The following NR5A2 variants were observed in gnomAD, a reference collection of about 807,000 sequenced individuals.
NR5A2 encodes CYP7A promoter-binding factor.
In NR5A2, 26 loss-of-function variants were observed where a neutral mutation model predicts 62.7. The observed-to-expected ratio is 0.41, with a 90% CI of 0.30 to 0.58. The LOEUF (loss-of-function observed/expected upper bound fraction) is 0.58. Among genes scored for constraint, NR5A2 ranks in the 20% least tolerant of loss-of-function variants. The pLI, the probability that NR5A2 is intolerant of heterozygous loss-of-function variation, is 0.22. For synonymous variants in NR5A2, 246 were observed against 241.7 expected (o/e 1.02, Z -0.16); for missense variants, 541 against 669.1 (o/e 0.81, Z 2.11).
At chr1:200,149,848 A>G (rs760479891) in intron 7 of NR5A2, among the ~76,000 whole-genome samples, 1 of 152,196 alleles carries the variant, frequency 6.6e-6, no homozygotes, top group African/African-American at 2.4e-5. Flanking sequence ...ATTTCTACAT[A>G]TGAACTACTA....
intron 4 of NR5A2, among the ~76,000 whole-genome samples, chr1:200,046,652 T>C (rs923946249): frequency 8.5e-5 from 13 of 152,224 alleles, no homozygotes; most frequent in Non-Finnish European, 1.6e-4. Flanking sequence ...GTCAGTATCA[T>C]TTTTAAGAGA....
intron 7 of NR5A2, among the ~76,000 whole-genome samples, chr1:200,172,463 A>G (rs1654226568): frequency 6.6e-6 from 1 of 152,212 alleles, no homozygotes; most frequent in Non-Finnish European, 1.5e-5. Context: ...ATGTTTGTAC[A>G]ACTCATCAAT....
intron 7 of NR5A2, among the ~76,000 whole-genome samples, chr1:200,129,503 T>G (rs1478054626): frequency 2.0e-5 from 3 of 152,222 alleles, no homozygotes; most frequent in Non-Finnish European, 4.4e-5. Context: ...CCTTCCTTTT[T>G]GTCCGATAGG....
intron 6 of NR5A2, among the ~76,000 whole-genome samples, chr1:200,115,905 A>C (rs1364544108): frequency 6.6e-6 from 1 of 151,846 alleles, no homozygotes; most frequent in Non-Finnish European, 1.5e-5. Context: ...CTTCTAGGTC[A>C]GAGGAACAGT....
intron 7 of NR5A2, among the ~76,000 whole-genome samples, chr1:200,142,443 G>A (rs975662481): frequency 6.6e-6 from 1 of 151,640 alleles, no homozygotes; most frequent in South Asian, 2.1e-4. Context: ...TGATCTACCC[G>A]CCTCGGCCTC....
intron 7 of NR5A2, among the ~76,000 whole-genome samples, chr1:200,137,251 A>G (rs1157801028): frequency 6.6e-6 from 1 of 151,950 alleles, no homozygotes. Context: ...CCCAGGTTCA[A>G]GCAGTTCTCC....
intron 1 of NR5A2, chr1:200,038,629 C>G: frequency 9.6e-7 from 1 of 1,044,730 alleles, no homozygotes; most frequent in Non-Finnish European, 1.4e-6. Flanking sequence ...CTCCCTTCAT[C>G]TCCTCATCCG....
chr1:200,173,445 G>A (rs1289290587), intron 7 of NR5A2, among the ~76,000 whole-genome samples: 1 of 152,220 alleles, frequency 6.6e-6, no homozygotes, highest in Non-Finnish European at 1.5e-5. Context: ...GCATAGGCTA[G>A]ACAAGTCAAA....
rs371537456 is a variant in NR5A2, at chr1:200,073,268, T to TTATATATATATATATA, written c.1110+24458_1110+24473dup. Among the ~76,000 whole-genome samples the TTATATATATATATATA allele has an allele frequency of 3.0e-4, 33 of 111,206 alleles. 1 individual carries two copies. Among genetic ancestry groups the TTATATATATATATATA allele is most frequent in the African/African-American group, 1.2e-3 (33 of 28,050 alleles). The allele number at this position is 111,206 out of a possible 152,430, so 73.0% of individuals were successfully genotyped here. A position where few individuals can be genotyped will look rare whatever the true frequency, so the allele number is the denominator to read the frequency against. On this transcript the variant is annotated intron_variant, in intron 5 of 7. Coordinates refer to ENST00000367362, the MANE Select transcript of NR5A2 (RefSeq NM_205860.3). ...TATATATATATATATATATTCCCCT[T>TTATATATATATATATA]TATATATATATATATATATATATTC...
At chr1:200,139,483 ATTTTAGTAGTCTTCT>A (rs1667359546) in intron 7 of NR5A2, among the ~76,000 whole-genome samples, 1 of 152,136 alleles carries the variant, frequency 6.6e-6, no homozygotes, top group Admixed American at 6.5e-5. Context: ...AGTGTTGTCT[ATTTTAGTAGTCTTCT>A]TTTTAGTAGA....
At chr1:200,166,458 A>G (rs1653904918) in intron 7 of NR5A2, among the ~76,000 whole-genome samples, 1 of 152,228 alleles carries the variant, frequency 6.6e-6, no homozygotes. Context: ...TTACATGCCA[A>G]TTTAAATGTC....
chr1:200,111,381 G>T, intron 6 of NR5A2, 60 bp downstream of exon 6: 7 of 1,553,580 alleles, frequency 4.5e-6, no homozygotes, highest in Non-Finnish European at 5.2e-6. Context: ...GTTCAGAATG[G>T]CCGGAATTTA....
chr1:200,064,031 C>T (rs1164815795), intron 5 of NR5A2, among the ~76,000 whole-genome samples: 1 of 152,080 alleles, frequency 6.6e-6, no homozygotes, highest in Non-Finnish European at 1.5e-5. Context: ...TGCCTGTAAT[C>T]CCAGCAACTC....
chr1:200,110,201 T>C (rs906554285), intron 5 of NR5A2, among the ~76,000 whole-genome samples: 4 of 152,246 alleles, frequency 2.6e-5, no homozygotes, highest in Non-Finnish European at 4.4e-5. Context: ...TTAAAAATAT[T>C]ACACAACATA....
intron 7 of NR5A2, among the ~76,000 whole-genome samples, chr1:200,131,675 G>C (rs1666975254): frequency 6.6e-6 from 1 of 152,130 alleles, no homozygotes; most frequent in South Asian, 2.1e-4. Flanking sequence ...GAGCGTAGTT[G>C]GTTAACGTGG....
intron 6 of NR5A2, among the ~76,000 whole-genome samples, chr1:200,112,466 T>C (rs557536024): frequency 6.6e-6 from 1 of 152,322 alleles, no homozygotes; most frequent in East Asian, 1.9e-4. Flanking sequence ...CATGATCTTT[T>C]ATGTTCAGCC....
intron 5 of NR5A2, among the ~76,000 whole-genome samples, chr1:200,066,550 T>A (rs1272471734): frequency 6.6e-6 from 1 of 150,714 alleles, no homozygotes; most frequent in Non-Finnish European, 1.5e-5. Flanking sequence ...GGGGTGGGGA[T>A]CCTCTATACA....
At chr1:200,134,640 A>G (rs1331999115) in intron 7 of NR5A2, among the ~76,000 whole-genome samples, 2 of 152,352 alleles carry the variant, frequency 1.3e-5, no homozygotes, top group South Asian at 2.1e-4. Context: ...GACTGTGTAT[A>G]TAAGAATTGA....
At chr1:200,081,164 G>A (rs1664275846) in intron 5 of NR5A2, among the ~76,000 whole-genome samples, 1 of 152,164 alleles carries the variant, frequency 6.6e-6, no homozygotes, top group Non-Finnish European at 1.5e-5. Flanking sequence ...AGCCTGCCAA[G>A]GACTTCAGTC....
Sources: gnomAD v4.1 joint callset for allele counts (sites outside exome capture counted in the v4.1 genomes callset) on GRCh38, gnomAD v4.1.1 for gene constraint, MANE v1.5 for transcripts, NCBI Gene and HGNC (gene_info 2026-07-23, HGNC 2026-07-21) for gene names.